PRSS23: variants seen among roughly 807,000 people sequenced by gnomAD.
PRSS23 encodes the protein protease, serine 23.
PRSS23 carries 25 observed loss-of-function variants against 34.7 expected under a neutral mutation model. The observed-to-expected ratio is 0.72, with a 90% confidence interval of 0.53 to 1.01. The LOEUF is 1.01. PRSS23 is among the 50% of genes least tolerant of loss of function. The pLI, the probability that PRSS23 is intolerant of heterozygous loss-of-function variation, is 0.00. For synonymous variants in PRSS23, 176 were observed against 186.6 expected (o/e 0.94, Z 0.46); for missense variants, 445 against 475.6 (o/e 0.94, Z 0.60).
In PRSS23 at chr11:86,800,667, G is replaced by T. The variant is rs1274033571; in HGVS notation, c.-14+16G>T. On this transcript the variant is annotated intron_variant, in intron 1 of 1. Coordinates refer to ENST00000280258, the MANE Select transcript of PRSS23 (RefSeq NM_007173.6). Reference sequence around the variant, plus strand: ...CTCGGCGCGGGTGAGTGCGGGCACCGACTGGGGCATCCGCCCGGGCGCGGG... The same window carrying T: ...CTCGGCGCGGGTGAGTGCGGGCACCTACTGGGGCATCCGCCCGGGCGCGGG... The T allele has an allele frequency of 1.0e-6, 1 of 984,268 alleles. No individual in the cohort carries two copies. The highest frequency in any genetic ancestry group is 1.2e-6 in the Non-Finnish European group (1 of 828,950). 61.0% of individuals were successfully genotyped at this position (984,268 alleles called of 1,614,324 possible).
chr11:86,950,063 C>T (rs1010042125), intron 2 of PRSS23: 10 of 152,376 alleles, frequency 6.6e-5, no homozygotes, highest in African/African-American at 2.2e-4. Context: ...GTTTTAAAGT[C>T]AGTTGAGTAT....
chr11:86,892,843 C>A (rs1948850461), intron 2 of PRSS23, among the ~76,000 whole-genome samples: 1 of 152,054 alleles, frequency 6.6e-6, no homozygotes, highest in Non-Finnish European at 1.5e-5. Context: ...AGTTTTGAGA[C>A]CTCTTCTCAT....
intron 2 of PRSS23, among the ~76,000 whole-genome samples, chr11:86,823,869 G>A (rs955095118): frequency 1.3e-5 from 2 of 150,944 alleles, no homozygotes; most frequent in African/African-American, 4.9e-5. Flanking sequence ...AGCCGGGCGT[G>A]GTAGCGGGCG....
At chr11:86,836,286 C>T (rs1948404953) in intron 2 of PRSS23, among the ~76,000 whole-genome samples, 1 of 152,094 alleles carries the variant, frequency 6.6e-6, no homozygotes, top group African/African-American at 2.4e-5. Flanking sequence ...CTTTTAGGTC[C>T]TTAACAATCT....
chr11:86,923,177 G>A (rs2135005563), intron 2 of PRSS23, among the ~76,000 whole-genome samples: 1 of 147,262 alleles, frequency 6.8e-6, no homozygotes, highest in Middle Eastern at 3.6e-3. Flanking sequence ...AGGCTGGAGT[G>A]CAATGGTGTG....
chr11:86,807,502 C>A, intron 1 of PRSS23, 129 bp from the exon 2 acceptor site: 2 of 906,164 alleles, frequency 2.2e-6, no homozygotes, highest in Non-Finnish European at 3.3e-6. Context: ...GATTCCTCTC[C>A]ACACCCTGAT....
chr11:86,934,519 T>C (rs1023089004), intron 2 of PRSS23: 1 of 152,186 alleles, frequency 6.6e-6, no homozygotes. Flanking sequence ...TTGTCTTACA[T>C]AGGGATAGTG....
intron 2 of PRSS23, among the ~76,000 whole-genome samples, chr11:86,868,241 C>T (rs1161306440): frequency 6.6e-6 from 1 of 152,164 alleles, no homozygotes; most frequent in Admixed American, 6.5e-5. Context: ...GTGAAAGAAG[C>T]ACTGACCATT....
chr11:86,817,249 A>G (rs949508967), intron 1 of PRSS23, among the ~76,000 whole-genome samples: 3 of 152,098 alleles, frequency 2.0e-5, no homozygotes, highest in Non-Finnish European at 4.4e-5. Flanking sequence ...GGAACTTCCT[A>G]TAACTTTTTA....
At chr11:86,881,466 A>AT (rs1164448624) in intron 2 of PRSS23, among the ~76,000 whole-genome samples, 4 of 151,582 alleles carry the variant, frequency 2.6e-5, no homozygotes, top group Admixed American at 6.6e-5. Flanking sequence ...CTTGGTGTAT[A>AT]TTTTTTTTAA....
intron 1 of PRSS23, among the ~76,000 whole-genome samples, chr11:86,807,110 C>T (rs1565349939): frequency 6.6e-6 from 1 of 152,090 alleles, no homozygotes; most frequent in Non-Finnish European, 1.5e-5. Context: ...TGGAGCTGTC[C>T]TTCTTTGATG....
chr11:86,915,894 A>C (rs1439059359), intron 2 of PRSS23, among the ~76,000 whole-genome samples: 21 of 152,012 alleles, frequency 1.4e-4, no homozygotes, highest in Admixed American at 1.4e-3. Context: ...CTACTAAAAA[A>C]ATACAAAAAA....
rs781192701 is a variant in PRSS23, at chr11:86,951,333, C to T, written c.*48C>T. On this transcript the variant is annotated 3_prime_UTR_variant, in exon 3 of 3. Coordinates refer to the PRSS23 transcript ENST00000533902. The stretch of plus-strand genomic sequence containing the variant: ...ATAAAAATTTTCAACATTTCAACAG[C>T]CATGTTGGAATCATCTGCAGAATAC... 2 of 1,612,706 alleles carry T rather than the reference C, an allele frequency of 1.2e-6. No individual in the cohort carries two copies. Among genetic ancestry groups the T allele is most frequent in the Non-Finnish European group, 1.7e-6 (2 of 1,178,858 alleles).
rs1189520390 is a variant in PRSS23, at chr11:86,809,602, T to C, written c.*807T>C. On this transcript the variant is annotated 3_prime_UTR_variant, in exon 2 of 2. Coordinates refer to ENST00000280258, the MANE Select transcript of PRSS23 (RefSeq NM_007173.6). ...CACTCACATTTCTGGAACTAGCTATTTTTCAGAAGACAATAATCAGGGCTT... is the reference window on the plus strand; with the variant it reads ...CACTCACATTTCTGGAACTAGCTATCTTTCAGAAGACAATAATCAGGGCTT... 1.2e-5 allele frequency: 2 copies of C among 167,046 alleles called. No individual in the cohort carries two copies. Among genetic ancestry groups the C allele is most frequent in the Admixed American group, 6.5e-5 (1 of 15,280 alleles). The allele number at this position is 167,046 out of a possible 1,614,324, so 10.3% of individuals were successfully genotyped here.
intron 2 of PRSS23, chr11:86,951,049 T>A: frequency 5.9e-6 from 8 of 1,351,744 alleles, no homozygotes; most frequent in Non-Finnish European, 8.5e-6. Flanking sequence ...TTGTTCAAAC[T>A]GAGATTCACT....
chr11:86,810,336 TTC>T lies in PRSS23; in HGVS notation c.*1545_*1546del, dbSNP rs1163169510. ...CAGATGGAGCACTGTCACTTAGACA[TTC>T]TCTGGGGGATTTTCTGCTTGTCTTT... is the stretch of plus-strand genomic sequence containing the variant. On this transcript the variant is annotated 3_prime_UTR_variant, in exon 2 of 2. Transcript: ENST00000280258. The T allele has an allele frequency of 6.0e-6, 1 of 166,796 alleles. No homozygotes were observed. Among genetic ancestry groups the T allele is most frequent in the Middle Eastern group, 3.1e-3 (1 of 318 alleles). 10.3% of individuals were successfully genotyped at this position (166,796 alleles called of 1,614,324 possible).
intron 2 of PRSS23, chr11:86,934,952 C>A (rs1949151503): frequency 6.6e-6 from 1 of 152,250 alleles, no homozygotes; most frequent in South Asian, 2.1e-4. Flanking sequence ...AATGACCATT[C>A]TTCCCTTTTG....
chr11:86,821,560 C>T (rs1948251979), intron 1 of PRSS23: 1 of 1,610,772 alleles, frequency 6.2e-7, no homozygotes, highest in African/African-American at 1.3e-5. Context: ...GGCATTCACT[C>T]TGAAGTTTGA....
At chr11:86,892,241 A>G (rs1948846731) in intron 2 of PRSS23, 1 of 152,252 alleles carries the variant, frequency 6.6e-6, no homozygotes, top group African/African-American at 2.4e-5. Flanking sequence ...TCTTTCCGAA[A>G]GAGAATTCCT....
Sources: allele counts gnomAD v4.1 joint callset (sites outside exome capture counted in the v4.1 genomes callset), GRCh38; gene constraint gnomAD v4.1.1; transcripts MANE v1.5; gene names NCBI Gene and HGNC (gene_info 2026-07-23, HGNC 2026-07-21).